The following ZNF707 variants were observed in gnomAD, a reference collection of about 807,000 sequenced individuals.
ZNF707 encodes the protein zinc finger protein 707.
Under a neutral mutation model 13.3 loss-of-function variants are expected in ZNF707, and 8 were observed. The ratio of observed to expected loss-of-function variants is 0.60; its 90% CI spans 0.35 to 1.09. The LOEUF is 1.09. Among genes scored for constraint, ZNF707 ranks in the 50% least tolerant of loss-of-function variants. The pLI, the probability that ZNF707 is intolerant of heterozygous loss-of-function variation, is 0.02. For missense variants in ZNF707, 530 were observed against 512.6 expected, an observed-to-expected ratio of 1.03 and a Z score of -0.33; for synonymous variants, 225 against 205.6, an observed-to-expected ratio of 1.09 and a Z score of -0.81.
rs1462606137 is a variant in ZNF707 at position 143,689,987 on chromosome 8, G to C, written c.-52-70G>C. The stretch of plus-strand genomic sequence containing the variant: ...TTCCCCGTGATTTGCTGAGTGGGGG[G>C]GCTCCTGGGGTCAGGTGCGGGGGGC... On this transcript the variant is annotated intron_variant, in intron 2 of 5. Transcript: ENST00000358656. 1.7e-5 allele frequency: 22 copies of C among 1,257,368 alleles called. No individual in the cohort carries two copies. The African/African-American group carries it at 3.0e-4, about 17-fold the overall frequency. The allele number at this position is 1,257,368 out of a possible 1,614,324, so 77.9% of individuals were successfully genotyped here.
chr8:143,693,130 G>A lies in ZNF707; in HGVS notation c.257-541G>A, dbSNP rs1171621325. On this transcript the variant is annotated intron_variant, in intron 5 of 5. Coordinates refer to ENST00000358656, the MANE Select transcript of ZNF707 (RefSeq NM_001100598.2). The surrounding 1 kb of genome is among the most constrained non-coding windows in gnomAD (Gnocchi z 4.1). ...GGGTGGCCTGCGTACCACCGGGGCT[G>A]GGGAAGCATCTGAGCTCATCTTGGC... 6.6e-6 allele frequency among the ~76,000 whole-genome samples: 1 copy of A among 152,140 alleles called. No individual in the cohort carries two copies. The highest frequency in any genetic ancestry group is 6.5e-5 in the Admixed American group (1 of 15,282).
In ZNF707 at chr8:143,694,251, G is replaced by A; in HGVS notation, c.837G>A (p.Gln279=). ...FKQKSNLLRH[Q]LVHTGERPFY... The stretch of plus-strand genomic sequence containing the variant: ...AGAAGTCCAACCTTCTCAGACACCA[G>A]CTGGTGCACACCGGGGAGCGGCCGT... The change falls in exon 6 of 6, where the codon CAG becomes CAA. Residue 279 remains glutamine, a synonymous_variant. Coordinates refer to ENST00000358656, the MANE Select transcript of ZNF707 (RefSeq NM_001100598.2). The surrounding 1 kb of genome is among the most constrained non-coding windows in gnomAD (Gnocchi z 4.4). 6.3e-7 allele frequency: 1 copy of A among 1,592,396 alleles called. No individual in the cohort carries two copies. The highest frequency in any genetic ancestry group is 1.1e-5 in the South Asian group (1 of 87,684).
At chr8:143,691,923 G>T in intron 5 of ZNF707, 1 of 1,173,722 alleles carries the variant, frequency 8.5e-7, no homozygotes, top group African/African-American at 1.5e-5. Flanking sequence ...GGCTCGAAAG[G>T]CATAGTGCTG....
intron 1 of ZNF707, 163 bp from the exon 2 acceptor site, chr8:143,689,039 TAG>T (rs1816558493): frequency 6.6e-6 from 1 of 152,244 alleles, no homozygotes; most frequent in African/African-American, 2.4e-5. Flanking sequence ...TGTGCTTCCG[TAG>T]GCTTTGGTGG....
intron 3 of ZNF707, 196 bp downstream of exon 3, chr8:143,690,319 C>G (rs1456500492): frequency 1.6e-6 from 1 of 627,546 alleles, no homozygotes; most frequent in African/African-American, 1.9e-5. Context: ...CGCCTGTAAT[C>G]CTAGCACTTT....
rs1051142770 is a variant in ZNF707 at position 143,690,773 on chromosome 8, A to G, written c.16-300A>G. 7.5e-6 allele frequency: 3 copies of G among 398,066 alleles called. No homozygotes were observed. In the East Asian group the frequency reaches 1.2e-4, roughly 17 times the overall value. The allele number at this position is 398,066 out of a possible 1,614,324, so 24.7% of individuals were successfully genotyped here. A position where few individuals can be genotyped will look rare whatever the true frequency, so the allele number is the denominator to read the frequency against. ...GATCTGGTTTCTGGTGGGGGCCACT[A>G]TTGTGCTGTGTTCACGCGTGTGCGG... On this transcript the variant is annotated intron_variant, in intron 3 of 5. Transcript: ENST00000358656.
At chr8:143,691,244 G>A in intron 4 of ZNF707, 45 bp downstream of exon 4, 1 of 1,570,362 alleles carries the variant, frequency 6.4e-7, no homozygotes. Context: ...TGAGTGCTGG[G>A]AGAGCTCTGC....
intron 4 of ZNF707, 186 bp from the exon 5 acceptor site, chr8:143,691,414 C>A: frequency 9.4e-7 from 1 of 1,064,166 alleles, no homozygotes; most frequent in Non-Finnish European, 1.3e-6. Flanking sequence ...CTGACCTTGC[C>A]AGGGCCTTCC....
chr8:143,689,973 T>C, intron 2 of ZNF707, 84 bp from the exon 3 acceptor site: 1 of 1,057,806 alleles, frequency 9.5e-7, no homozygotes, highest in Non-Finnish European at 1.4e-6. Flanking sequence ...TCCCCGTGAT[T>C]TGCTGAGTGG....
At position 143,685,528 on chromosome 8, in the gene ZNF707, TAAAA is replaced by T. The variant is rs71318618; in HGVS notation, c.-151+1003_-151+1006del. 3.4e-4 allele frequency among the ~76,000 whole-genome samples: 43 copies of T among 128,282 alleles called. 1 individual carries two copies. Among genetic ancestry groups the T allele is most frequent in the African/African-American group, 8.2e-4 (28 of 33,950 alleles). 84.2% of individuals were successfully genotyped at this position (128,282 alleles called of 152,430 possible). Reference sequence around the variant, plus strand: ...GCGACAGAGCGAGACATCATCTTATTAAAAAAAAAAAAAAAAAAAAGGTAGCTTA... The same window carrying T: ...GCGACAGAGCGAGACATCATCTTATTAAAAAAAAAAAAAAAAGGTAGCTTA... On this transcript the variant is annotated intron_variant, in intron 1 of 5. Transcript: ENST00000358656.
rs970768151 is a variant in ZNF707 at position 143,694,761 on chromosome 8, T to G, written c.*231T>G. ...CGGGGGCTCTGGAGATGGCGGGGGCTGCGCCCCGGCGCCGGGCATCCTGGG... is the reference window on the plus strand; with the variant it reads ...CGGGGGCTCTGGAGATGGCGGGGGCGGCGCCCCGGCGCCGGGCATCCTGGG... On this transcript the variant is annotated 3_prime_UTR_variant, in exon 6 of 6. Coordinates refer to ENST00000358656, the MANE Select transcript of ZNF707 (RefSeq NM_001100598.2). This position sits in a 1 kb window ranked among gnomAD's most constrained non-coding sequence, Gnocchi z 4.4. 4.2e-5 allele frequency: 22 copies of G among 521,464 alleles called. No individual in the cohort carries two copies. Among genetic ancestry groups the G allele is most frequent in the Non-Finnish European group, 4.9e-5 (15 of 303,808 alleles). 32.3% of individuals were successfully genotyped at this position (521,464 alleles called of 1,614,324 possible). A position where few individuals can be genotyped will look rare whatever the true frequency, so the allele number is the denominator to read the frequency against.
chr8:143,692,760 C>G (rs4874093), intron 5 of ZNF707, among the ~76,000 whole-genome samples: 5 of 46,118 alleles, frequency 1.1e-4, no homozygotes, highest in Non-Finnish European at 1.2e-4. Flanking sequence ...GGAGGTGTCG[C>G]ATCCCCGGGT....
At chr8:143,686,088 T>C (rs1816237632) in intron 1 of ZNF707, among the ~76,000 whole-genome samples, 1 of 146,790 alleles carries the variant, frequency 6.8e-6, no homozygotes, top group Admixed American at 6.7e-5. Context: ...GAGAGGGTGT[T>C]TTTTTTTTGT....
At chr8:143,691,232 G>T (rs1554613525) in intron 4 of ZNF707, 33 bp downstream of exon 4, 1 of 1,586,576 alleles carries the variant, frequency 6.3e-7, no homozygotes. Context: ...GTGAGCACAG[G>T]GTGAGTGCTG....
At chr8:143,692,138 C>T (rs561821981) in intron 5 of ZNF707, 12 of 1,304,434 alleles carry the variant, frequency 9.2e-6, no homozygotes, top group East Asian at 5.2e-5. Context: ...GTTTGCTCCA[C>T]GTCCTTGTTT....
intron 1 of ZNF707, among the ~76,000 whole-genome samples, chr8:143,686,376 G>A (rs1200226187): frequency 6.6e-6 from 1 of 151,226 alleles, no homozygotes; most frequent in African/African-American, 2.4e-5. Context: ...ATGGCCGGGA[G>A]CTGTTATTTT....
chr8:143,687,837 T>A (rs558725049), intron 1 of ZNF707, among the ~76,000 whole-genome samples: 8 of 152,212 alleles, frequency 5.3e-5, no homozygotes, highest in Non-Finnish European at 1.0e-4. Flanking sequence ...TCTCTTCTGT[T>A]CCTTGTTTGC....
At position 143,692,271 on chromosome 8, in the gene ZNF707, C is replaced by G. The variant is rs568999083; in HGVS notation, c.256+558C>G. 1.0e-4 allele frequency: 130 copies of G among 1,289,906 alleles called. 1 individual carries two copies. The African/African-American group carries it at 1.9e-3, about 19-fold the overall frequency. 79.9% of individuals were successfully genotyped at this position (1,289,906 alleles called of 1,614,324 possible). A position where few individuals can be genotyped will look rare whatever the true frequency, so the allele number is the denominator to read the frequency against. On this transcript the variant is annotated intron_variant, in intron 5 of 5. Coordinates refer to ENST00000358656, the MANE Select transcript of ZNF707 (RefSeq NM_001100598.2). ...GTGGGATGGAGCAGCTATGTGAACA[C>G]GAGCCCTGGGAGGTCCCCGGGTATG... is the stretch of plus-strand genomic sequence containing the variant.
rs1401188423 is a variant in ZNF707, at chr8:143,694,938, C to T, written c.*408C>T. 1.6e-5 allele frequency: 3 copies of T among 191,374 alleles called. No homozygotes were observed. The highest frequency in any genetic ancestry group is 3.2e-5 in the Non-Finnish European group (3 of 94,004). The allele number at this position is 191,374 out of a possible 1,614,324, so 11.9% of individuals were successfully genotyped here. ...TGGGCCTTTCCTTCCTGGCTCTGCACCCCATGCTGGCTGCCCGGTCTGGCT... is the reference window on the plus strand; with the variant it reads ...TGGGCCTTTCCTTCCTGGCTCTGCATCCCATGCTGGCTGCCCGGTCTGGCT... On this transcript the variant is annotated 3_prime_UTR_variant, in exon 6 of 6. Coordinates refer to ENST00000358656, the MANE Select transcript of ZNF707 (RefSeq NM_001100598.2). This position sits in a 1 kb window ranked among gnomAD's most constrained non-coding sequence, Gnocchi z 4.4.
Sources: allele counts gnomAD v4.1 joint callset (sites outside exome capture counted in the v4.1 genomes callset), GRCh38; gene constraint gnomAD v4.1.1; non-coding constraint Gnocchi (gnomAD v3.1); transcripts MANE v1.5; gene names NCBI Gene and HGNC (gene_info 2026-07-23, HGNC 2026-07-21).